The following SLC71A2 variants were observed in gnomAD, a reference collection of about 807,000 sequenced individuals.
SLC71A2 encodes the protein solute carrier family 71 member 2, also known as hippocampus abundant transcript-like 1.
chr9:94,456,979 T>TCCTACCC, the SLC71A2 span, among the ~76,000 whole-genome samples: 15 of 11,574 alleles, frequency 1.3e-3, no homozygotes, highest in African/African-American at 5.2e-3. Context: ...ACCCCCCACC[T>TCCTACCC]CCTACCCCTT....
chr9:94,382,108 C>T, the SLC71A2 span, among the ~76,000 whole-genome samples: 3 of 151,894 alleles, frequency 2.0e-5, no homozygotes, highest in South Asian at 2.1e-4. Context: ...CTCATTGCAG[C>T]CTTGACCTCC....
chr9:94,456,055 C>T, the SLC71A2 span, among the ~76,000 whole-genome samples: 2 of 151,898 alleles, frequency 1.3e-5, no homozygotes, highest in African/African-American at 2.4e-5. Context: ...CTAGGCCATT[C>T]GTTTCCTCCA....
At chr9:94,442,843 C>T in the SLC71A2 span, among the ~76,000 whole-genome samples, 3 of 150,834 alleles carry the variant, frequency 2.0e-5, no homozygotes, top group African/African-American at 7.3e-5. Flanking sequence ...TCAGACCCGC[C>T]TCAAAAAAAA....
the SLC71A2 span, among the ~76,000 whole-genome samples, chr9:94,394,677 A>C: frequency 1.3e-5 from 1 of 74,954 alleles, no homozygotes; most frequent in Non-Finnish European, 3.2e-5. Context: ...TGAAGTCCTG[A>C]GCTCCTTTGC....
At chr9:94,426,465 C>G in the SLC71A2 span, among the ~76,000 whole-genome samples, 15 of 152,162 alleles carry the variant, frequency 9.9e-5, no homozygotes, top group African/African-American at 3.4e-4. Flanking sequence ...TACTTTTCTT[C>G]AGCTCTTTTT....
the SLC71A2 span, among the ~76,000 whole-genome samples, chr9:94,445,387 G>A: frequency 0.31 from 46,953 of 151,888 alleles, 7,583 homozygotes; most frequent in Admixed American, 0.44. Flanking sequence ...TGTCATAAAC[G>A]AAGAGAGAGA....
the SLC71A2 span, among the ~76,000 whole-genome samples, chr9:94,378,294 G>T: frequency 1.3e-5 from 2 of 151,840 alleles, no homozygotes; most frequent in Admixed American, 6.6e-5. Flanking sequence ...TTGCAATCAG[G>T]ACAGAAGGCG....
At chr9:94,433,976 G>A in the SLC71A2 span, among the ~76,000 whole-genome samples, 3 of 152,042 alleles carry the variant, frequency 2.0e-5, no homozygotes, top group Non-Finnish European at 4.4e-5. Context: ...TTATAACAAT[G>A]TATTGTGTTG....
At chr9:94,451,442 T>C in the SLC71A2 span, 2 of 1,420,370 alleles carry the variant, frequency 1.4e-6, no homozygotes, top group Admixed American at 2.1e-5. Flanking sequence ...AGTGTTTTCA[T>C]TTCATTTCCA....
the SLC71A2 span, among the ~76,000 whole-genome samples, chr9:94,392,663 G>C: frequency 6.6e-6 from 1 of 152,130 alleles, no homozygotes; most frequent in Admixed American, 6.5e-5. Flanking sequence ...ACCATGCCCA[G>C]CTAATTTTTG....
chr9:94,389,901 T>C, the SLC71A2 span, among the ~76,000 whole-genome samples: 4 of 151,354 alleles, frequency 2.6e-5, no homozygotes, highest in African/African-American at 4.8e-5. Context: ...AGCCACCATG[T>C]CTGACCCCTC....
At chr9:94,399,906 T>G in the SLC71A2 span, among the ~76,000 whole-genome samples, 73,307 of 151,032 alleles carry the variant, frequency 0.49, 18,020 homozygotes, top group East Asian at 0.6. Flanking sequence ...CCTGGGTTCA[T>G]GCGATTCTCC....
At chr9:94,437,656 C>G in the SLC71A2 span, among the ~76,000 whole-genome samples, 1 of 148,762 alleles carries the variant, frequency 6.7e-6, no homozygotes, top group Non-Finnish European at 1.5e-5. Flanking sequence ...CCTGTGAGGC[C>G]CTGGGGATAG....
the SLC71A2 span, among the ~76,000 whole-genome samples, chr9:94,431,070 T>TG: frequency 2.6e-4 from 39 of 152,294 alleles, no homozygotes; most frequent in Non-Finnish European, 5.4e-4. Context: ...CCCAGCACTT[T>TG]GGGAGGCCAA....
the SLC71A2 span, among the ~76,000 whole-genome samples, chr9:94,409,206 G>C: frequency 8.0e-6 from 1 of 125,290 alleles, no homozygotes; most frequent in African/African-American, 3.1e-5. Flanking sequence ...GTGGTATGAT[G>C]ATGGCTCATT....
chr9:94,442,864 C>A, the SLC71A2 span, among the ~76,000 whole-genome samples: 1 of 150,814 alleles, frequency 6.6e-6, no homozygotes, highest in African/African-American at 2.4e-5. Context: ...AAATGTCCCC[C>A]AAAACTCCAA....
At chr9:94,418,511 C>T in the SLC71A2 span, among the ~76,000 whole-genome samples, 3 of 152,014 alleles carry the variant, frequency 2.0e-5, no homozygotes, top group South Asian at 2.1e-4. Context: ...GGCATGATCT[C>T]GGCTCACTGC....
the SLC71A2 span, chr9:94,445,127 T>C: frequency 6.2e-7 from 1 of 1,614,070 alleles, no homozygotes; most frequent in South Asian, 1.1e-5. Context: ...CCTGAGAAAA[T>C]GAGACCGGTT....
the SLC71A2 span, among the ~76,000 whole-genome samples, chr9:94,393,859 C>T: frequency 2.3e-5 from 2 of 85,770 alleles, no homozygotes; most frequent in African/African-American, 9.3e-5. Context: ...TCCTTCAGAG[C>T]GTATATTTCC....
Sources: gnomAD v4.1 joint callset for allele counts (sites outside exome capture counted in the v4.1 genomes callset) on GRCh38, gnomAD v4.1.1 for gene constraint, MANE v1.5 for transcripts, NCBI Gene and HGNC (gene_info 2026-07-23, HGNC 2026-07-21) for gene names.